The following DHRSX variants were observed in gnomAD, a reference collection of about 807,000 sequenced individuals.
DHRSX encodes the protein dehydrogenase/reductase X-linked.
In DHRSX, 31 loss-of-function variants were observed where a neutral mutation model predicts 34.0. The ratio of observed to expected loss-of-function variants is 0.91; its 90% CI spans 0.69 to 1.23. The LOEUF is 1.23. DHRSX is among the 50% of genes most tolerant of loss of function. DHRSX has a pLI of 0.00. For missense variants in DHRSX, 414 were observed against 428.1 expected (o/e 0.97, Z 0.29); for synonymous variants, 201 against 183.8 (o/e 1.09, Z -0.76).
intron 3 of DHRSX, among the ~76,000 whole-genome samples, chrX:2,357,522 A>C (rs1399019302): frequency 6.6e-6 from 1 of 152,082 alleles, no homozygotes; most frequent in African/African-American, 2.4e-5. Context: ...AGGAACAAAA[A>C]GGACATCTGC....
At chrX:2,262,653 G>A (rs910437817) in intron 5 of DHRSX, among the ~76,000 whole-genome samples, 3 of 152,136 alleles carry the variant, frequency 2.0e-5, no homozygotes, top group Non-Finnish European at 4.4e-5. Context: ...AGCCCCTCCC[G>A]GCCACAGGCC....
At chrX:2,420,551 T>C (rs1316360655) in intron 2 of DHRSX, among the ~76,000 whole-genome samples, 1 of 151,896 alleles carries the variant, frequency 6.6e-6, no homozygotes, top group Non-Finnish European at 1.5e-5. Flanking sequence ...GAGACCATCT[T>C]GGCCAACATG....
chrX:2,373,935 A>G lies in DHRSX; in HGVS notation c.286+34810T>C, dbSNP rs774032725. Among the ~76,000 whole-genome samples, 33 of 152,298 alleles carry G rather than the reference A, an allele frequency of 2.2e-4. No homozygotes were observed. The South Asian group carries it at 6.8e-3, about 32-fold the overall frequency. On this transcript the variant is annotated intron_variant, in intron 3 of 6. Transcript: ENST00000334651. ...AAGAGGAAGCCACAGGAAGGAAGAA[A>G]AAAGGTCAATGATATTGTGACGTAA...
intron 4 of DHRSX, among the ~76,000 whole-genome samples, chrX:2,269,146 ATACATATATGTAGGTC>A (rs1415241250): frequency 6.6e-6 from 1 of 152,218 alleles, no homozygotes; most frequent in African/African-American, 2.4e-5. Context: ...GGAGCTATCT[ATACATATATGTAGGTC>A]TAGCATTTGT....
chrX:2,283,076 G>T (rs1377277232), intron 4 of DHRSX, among the ~76,000 whole-genome samples: 1 of 151,914 alleles, frequency 6.6e-6, no homozygotes, highest in Non-Finnish European at 1.5e-5. Context: ...GAGAGAGAGA[G>T]AGGAGAAAAG....
chrX:2,250,503 G>T (rs896046443), intron 5 of DHRSX, among the ~76,000 whole-genome samples: 4 of 152,090 alleles, frequency 2.6e-5, no homozygotes, highest in African/African-American at 9.7e-5. Context: ...TGGGACAGGG[G>T]TGACCAATTC....
In DHRSX at chrX:2,263,639, G is replaced by A. The variant is rs779871155; in HGVS notation, c.596+3101C>T. Among the ~76,000 whole-genome samples the A allele has an allele frequency of 2.3e-3, 352 of 150,110 alleles. 3 individuals carry two copies. The highest frequency in any genetic ancestry group is 8.2e-3 in the African/African-American group (333 of 40,832). On this transcript the variant is annotated intron_variant, in intron 5 of 6. Transcript: ENST00000334651. ...AGCGATTCTCCTGCCTCAGCCTCCC[G>A]AGTAGCTGGGATTACAGGCGTCCAC...
At chrX:2,463,493 T>A (rs1844556522) in intron 1 of DHRSX, among the ~76,000 whole-genome samples, 1 of 138,872 alleles carries the variant, frequency 7.2e-6, no homozygotes, top group Non-Finnish European at 1.5e-5. Flanking sequence ...TCTGATGCGA[T>A]GGGGGCATCT....
intron 5 of DHRSX, among the ~76,000 whole-genome samples, chrX:2,263,456 C>T (rs1380354391): frequency 6.6e-6 from 1 of 151,732 alleles, no homozygotes; most frequent in East Asian, 1.9e-4. Context: ...CCTCCAGAAC[C>T]GTGAGACATA....
chrX:2,319,832 A>G (rs754321682), intron 3 of DHRSX, among the ~76,000 whole-genome samples: 1 of 151,904 alleles, frequency 6.6e-6, no homozygotes, highest in South Asian at 2.1e-4. Context: ...TCAGCTGTAT[A>G]TACATATTTT....
chrX:2,317,250 G>T (rs958662054), intron 3 of DHRSX, among the ~76,000 whole-genome samples: 3 of 63,144 alleles, frequency 4.8e-5, no homozygotes, highest in Admixed American at 1.4e-4. Flanking sequence ...GAGCCACCGC[G>T]CCTGGCTTTT....
intron 6 of DHRSX, among the ~76,000 whole-genome samples, chrX:2,229,534 G>A (rs1486575293): frequency 6.6e-6 from 1 of 152,012 alleles, no homozygotes; most frequent in Non-Finnish European, 1.5e-5. Flanking sequence ...TGACTCACAC[G>A]CAAATCATAG....
chrX:2,391,382 C>T (rs1399756100), intron 3 of DHRSX, among the ~76,000 whole-genome samples: 3 of 152,062 alleles, frequency 2.0e-5, no homozygotes, highest in Admixed American at 6.6e-5. Context: ...AAAGGGATGC[C>T]GGCAACGTTG....
intron 3 of DHRSX, among the ~76,000 whole-genome samples, chrX:2,323,890 T>G (rs2042343400): frequency 1.3e-5 from 2 of 151,984 alleles, no homozygotes; most frequent in Non-Finnish European, 2.9e-5. Flanking sequence ...AAGAAATGAC[T>G]TAAGCAGATA....
At chrX:2,276,745 G>A (rs2041660415) in intron 4 of DHRSX, among the ~76,000 whole-genome samples, 2 of 149,976 alleles carry the variant, frequency 1.3e-5, no homozygotes. Context: ...GAGAGAGAGA[G>A]AGGAGAGAGA....
intron 3 of DHRSX, among the ~76,000 whole-genome samples, chrX:2,301,934 C>A (rs750250340): frequency 6.6e-5 from 10 of 152,206 alleles, no homozygotes; most frequent in Non-Finnish European, 1.2e-4. Flanking sequence ...CCTCACCCGG[C>A]CTCATCTAGC....
chrX:2,268,309 T>G (rs1293018099), intron 4 of DHRSX, among the ~76,000 whole-genome samples: 1 of 152,232 alleles, frequency 6.6e-6, no homozygotes, highest in East Asian at 1.9e-4. Flanking sequence ...GCTTGGATAT[T>G]AATGCCAATG....
chrX:2,371,668 T>C (rs191288690), intron 3 of DHRSX, among the ~76,000 whole-genome samples: 2 of 143,406 alleles, frequency 1.4e-5, no homozygotes, highest in Non-Finnish European at 3.0e-5. Flanking sequence ...CTTACCATAG[T>C]CCCTCCTCCT....
Position 2,333,758 on chromosome X carries a change from C to T in DHRSX, c.287-42155G>A, listed in dbSNP as rs2042513598. Among the ~76,000 whole-genome samples, 6 of 152,104 alleles carry T rather than the reference C, an allele frequency of 3.9e-5. No individual in the cohort carries two copies. The South Asian group carries it at 1.2e-3, about 32-fold the overall frequency. ...TCCCTCTCCTCCCACCCTTCACCCT[C>T]AAGCAGACCCCAATGTCTGTTGTTC... On this transcript the variant is annotated intron_variant, in intron 3 of 6. Transcript: ENST00000334651.
Sources: allele counts gnomAD v4.1 joint callset (sites outside exome capture counted in the v4.1 genomes callset), GRCh38; gene constraint gnomAD v4.1.1; transcripts MANE v1.5; gene names NCBI Gene and HGNC (gene_info 2026-07-23, HGNC 2026-07-21).